The following BACH2 variants were observed in gnomAD, a reference collection of about 807,000 sequenced individuals.
BACH2 encodes BACH transcriptional regulator 2, also known as transcription regulator protein BACH2.
A neutral mutation model predicts 61.8 loss-of-function variants in BACH2; 5 were observed. That is an observed-to-expected ratio of 0.08 (90% CI 0.04 to 0.17). The LOEUF (loss-of-function observed/expected upper bound fraction) is 0.17. Among genes scored for constraint, BACH2 ranks in the 10% least tolerant of loss-of-function variants. BACH2 has a pLI of 1.00. For missense variants in BACH2, 824 were observed against 1,091.1 expected, an observed-to-expected ratio of 0.76 and a Z score of 3.45; for synonymous variants, 446 against 440.1, an observed-to-expected ratio of 1.01 and a Z score of -0.17.
At chr6:90,273,514 C>A (rs1027836891) in intron 1 of BACH2, among the ~76,000 whole-genome samples, 11 of 152,166 alleles carry the variant, frequency 7.2e-5, no homozygotes, top group Non-Finnish European at 1.3e-4. Flanking sequence ...GCTGGACTGG[C>A]CCACACAGCA....
chr6:89,946,018 T>C (rs1201686983), intron 7 of BACH2, among the ~76,000 whole-genome samples: 1 of 152,186 alleles, frequency 6.6e-6, no homozygotes, highest in Non-Finnish European at 1.5e-5. Flanking sequence ...AAAAGACTTA[T>C]ACCTTGACTA....
At chr6:90,217,824 A>G (rs2127854470) in intron 3 of BACH2, among the ~76,000 whole-genome samples, 1 of 152,306 alleles carries the variant, frequency 6.6e-6, no homozygotes, top group East Asian at 1.9e-4. Context: ...ACTGTTTGCC[A>G]TGATGTGAGA....
At chr6:90,288,147 A>AT (rs375488399) in intron 1 of BACH2, among the ~76,000 whole-genome samples, 2,416 of 149,628 alleles carry the variant, frequency 0.016, 60 homozygotes, top group African/African-American at 0.056. Flanking sequence ...AGTTAATTTC[A>AT]TTTTTTTTTC....
chr6:90,098,336 G>A (rs772618815), intron 4 of BACH2, among the ~76,000 whole-genome samples: 56 of 146,992 alleles, frequency 3.8e-4, no homozygotes, highest in Non-Finnish European at 7.9e-4. Context: ...CCAACATCCT[G>A]TCTTACCTAA....
At chr6:90,273,014 A>G (rs1325387436) in intron 1 of BACH2, among the ~76,000 whole-genome samples, 1 of 152,164 alleles carries the variant, frequency 6.6e-6, no homozygotes, top group African/African-American at 2.4e-5. Flanking sequence ...CCTGGTGGCC[A>G]TGCTTTGAAT....
intron 5 of BACH2, among the ~76,000 whole-genome samples, chr6:90,024,406 G>A (rs1562377748): frequency 6.6e-6 from 1 of 152,202 alleles, no homozygotes; most frequent in Non-Finnish European, 1.5e-5. Context: ...ATACAGGGAT[G>A]AGGCCTTTTG....
intron 3 of BACH2, among the ~76,000 whole-genome samples, chr6:90,216,759 T>C (rs533738455): frequency 6.6e-6 from 1 of 152,054 alleles, no homozygotes; most frequent in African/African-American, 2.4e-5. Context: ...TGAACCAGAG[T>C]GGTTTTGTCT....
At chr6:90,053,018 C>T (rs958197218) in intron 5 of BACH2, among the ~76,000 whole-genome samples, 4 of 152,028 alleles carry the variant, frequency 2.6e-5, no homozygotes, top group African/African-American at 9.7e-5. Context: ...AAAAATCAGG[C>T]TTAGAAGTTA....
chr6:90,090,690 GC>G (rs1165689895), intron 4 of BACH2, among the ~76,000 whole-genome samples: 1 of 152,164 alleles, frequency 6.6e-6, no homozygotes, highest in Non-Finnish European at 1.5e-5. Flanking sequence ...CAGTGGGGGA[GC>G]TGTGACTTGT....
chr6:90,166,108 CAG>C (rs1767606500), intron 4 of BACH2, among the ~76,000 whole-genome samples: 2 of 152,136 alleles, frequency 1.3e-5, no homozygotes, highest in Non-Finnish European at 2.9e-5. Flanking sequence ...AAACTACCAT[CAG>C]AGTGAACAGG....
In BACH2 at chr6:90,284,460, G is replaced by A. The variant is rs189322700; in HGVS notation, c.-446+12020C>T. ...CTACTTAGCAATACCACAGCCCTCC[G>A]CAATAGATGCTGTGTAGGAGGGACG... On this transcript the variant is annotated intron_variant, in intron 1 of 8. Transcript: ENST00000257749. Among the ~76,000 whole-genome samples, 26 of 152,232 alleles carry A rather than the reference G, an allele frequency of 1.7e-4. No homozygotes were observed. In the East Asian group the frequency reaches 5.0e-3, roughly 29 times the overall value.
intron 4 of BACH2, among the ~76,000 whole-genome samples, chr6:90,191,627 T>C (rs1364311633): frequency 6.6e-6 from 1 of 152,214 alleles, no homozygotes; most frequent in East Asian, 1.9e-4. Flanking sequence ...TCTAGACACG[T>C]GATTATTGGG....
chr6:89,975,492 C>T (rs1182357768), intron 6 of BACH2, among the ~76,000 whole-genome samples: 1 of 152,204 alleles, frequency 6.6e-6, no homozygotes, highest in Non-Finnish European at 1.5e-5. Flanking sequence ...CAGACTCTCA[C>T]ATCTTTGCAA....
chr6:90,052,687 C>T (rs531539407), intron 5 of BACH2, among the ~76,000 whole-genome samples: 1 of 152,332 alleles, frequency 6.6e-6, no homozygotes, highest in South Asian at 2.1e-4. Flanking sequence ...TCCCAAAGTG[C>T]TGGGGTTACA....
At chr6:90,031,219 T>C (rs903189428) in intron 5 of BACH2, among the ~76,000 whole-genome samples, 3 of 152,014 alleles carry the variant, frequency 2.0e-5, no homozygotes, top group African/African-American at 7.3e-5. Flanking sequence ...TAATAAGAGC[T>C]ATCTATGACA....
At chr6:90,014,111 G>A (rs892503034) in intron 5 of BACH2, among the ~76,000 whole-genome samples, 4 of 151,944 alleles carry the variant, frequency 2.6e-5, no homozygotes, top group African/African-American at 9.7e-5. Flanking sequence ...TACATTGTTG[G>A]ATTCAATTTG....
At chr6:90,163,125 G>A (rs1767456047) in intron 4 of BACH2, among the ~76,000 whole-genome samples, 3 of 152,138 alleles carry the variant, frequency 2.0e-5, no homozygotes, top group African/African-American at 4.8e-5. Context: ...ACCAGACTTT[G>A]GCAGAATTCT....
At chr6:90,015,975 T>A (rs1295103532) in intron 5 of BACH2, among the ~76,000 whole-genome samples, 2 of 152,198 alleles carry the variant, frequency 1.3e-5, no homozygotes, top group African/African-American at 4.8e-5. Flanking sequence ...AGGGTTTTTA[T>A]TTTTTCTTGT....
At chr6:89,994,253 C>T (rs1776731071) in intron 6 of BACH2, among the ~76,000 whole-genome samples, 1 of 152,128 alleles carries the variant, frequency 6.6e-6, no homozygotes, top group Non-Finnish European at 1.5e-5. Flanking sequence ...TAAGAATTTC[C>T]TTGTCTGTCA....
Sources: allele counts gnomAD v4.1 joint callset (sites outside exome capture counted in the v4.1 genomes callset), GRCh38; gene constraint gnomAD v4.1.1; transcripts MANE v1.5; gene names NCBI Gene and HGNC (gene_info 2026-07-23, HGNC 2026-07-21).